VMA12: variants seen among roughly 807,000 people sequenced by gnomAD.
VMA12 encodes vacuolar ATPase assembly protein VMA12.
chr17:28,363,409 G>A, the VMA12 span: 2 of 152,126 alleles, frequency 1.3e-5, no homozygotes, highest in Non-Finnish European at 2.9e-5. Context: ...AGGTATCTGT[G>A]TGGAACCTGG....
At chr17:28,358,971 G>A in the VMA12 span, 1 of 1,612,684 alleles carries the variant, frequency 6.2e-7, no homozygotes, top group Non-Finnish European at 8.5e-7. Flanking sequence ...ATCTCCCAGA[G>A]GTTGTGAAGC....
At chr17:28,359,439 G>A in the VMA12 span, 1 of 1,601,746 alleles carries the variant, frequency 6.2e-7, no homozygotes, top group East Asian at 2.2e-5. Flanking sequence ...GGTCTAGGTA[G>A]CCCCTCAGAG....
At chr17:28,361,106 A>C in the VMA12 span, 2 of 1,567,814 alleles carry the variant, frequency 1.3e-6, no homozygotes, top group Non-Finnish European at 1.8e-6. Flanking sequence ...GCTGGGGTAC[A>C]GAGCTGGTTG....
chr17:28,357,774 A>AGGCCGCTC, the VMA12 span: 1 of 1,613,550 alleles, frequency 6.2e-7, no homozygotes, highest in Admixed American at 1.7e-5. Context: ...GCCGAGCTTG[A>AGGCCGCTC]GGCCGCGCTG....
chr17:28,357,960 C>G, the VMA12 span: 1 of 1,470,840 alleles, frequency 6.8e-7, no homozygotes, highest in East Asian at 2.3e-5. Context: ...CCATCATTCC[C>G]CTTCTTCTAC....
chr17:28,358,536 A>C, the VMA12 span: 1 of 477,162 alleles, frequency 2.1e-6, no homozygotes, highest in Non-Finnish European at 4.3e-6. Flanking sequence ...TATTAGAACT[A>C]GAAAGGACCT....
the VMA12 span, chr17:28,361,191 T>G: frequency 8.1e-6 from 13 of 1,614,120 alleles, no homozygotes; most frequent in South Asian, 1.1e-5. Context: ...GCCTCTGTGG[T>G]GGGTCTGGCC....
chr17:28,357,809 A>C, the VMA12 span: 1 of 1,614,068 alleles, frequency 6.2e-7, no homozygotes, highest in Non-Finnish European at 8.5e-7. Flanking sequence ...GGGCGGTGAT[A>C]GCTCCAGTGG....
the VMA12 span, chr17:28,359,563 A>AT: frequency 3.4e-6 from 2 of 591,164 alleles, no homozygotes; most frequent in Non-Finnish European, 5.7e-6. Context: ...TTCCCATCTC[A>AT]TTCACTGAGA....
At chr17:28,359,484 G>GA in the VMA12 span, 2 of 1,376,194 alleles carry the variant, frequency 1.5e-6, no homozygotes, top group South Asian at 2.4e-5. Context: ...ACAGAGTTTA[G>GA]AAAAAACATG....
the VMA12 span, chr17:28,360,884 G>GGGGGTGTTAGTGGGTAA: frequency 1.3e-6 from 2 of 1,567,504 alleles, no homozygotes; most frequent in Non-Finnish European, 1.8e-6. Context: ...TGCCCCTGGT[G>GGGGGTGTTAGTGGGTAA]GGGGTGTTAG....
chr17:28,363,329 AG>A, the VMA12 span: 1 of 152,174 alleles, frequency 6.6e-6, no homozygotes, highest in African/African-American at 2.4e-5. Context: ...CTTGTCAGTC[AG>A]AGTCCTAAAC....
chr17:28,359,184 C>A, the VMA12 span: 2 of 1,031,702 alleles, frequency 1.9e-6, no homozygotes, highest in Non-Finnish European at 2.8e-6. Flanking sequence ...AGTTTCAAAG[C>A]ACTGGAGTTA....
the VMA12 span, chr17:28,357,829 C>T: frequency 6.2e-7 from 1 of 1,614,102 alleles, no homozygotes. Flanking sequence ...GCCCCCAACG[C>T]TTGGTTTCTT....
At chr17:28,361,116 G>T in the VMA12 span, 1 of 1,590,348 alleles carries the variant, frequency 6.3e-7, no homozygotes, top group Non-Finnish European at 8.6e-7. Flanking sequence ...AGAGCTGGTT[G>T]TTGGCCTGCA....
the VMA12 span, chr17:28,358,118 C>G: frequency 1.8e-6 from 1 of 564,284 alleles, no homozygotes; most frequent in East Asian, 3.0e-5. Context: ...TCCAGGCACA[C>G]CTAGGCCCAA....
At chr17:28,360,532 A>C in the VMA12 span, 3 of 1,613,994 alleles carry the variant, frequency 1.9e-6, no homozygotes, top group Non-Finnish European at 2.5e-6. Flanking sequence ...TTCCCAGGAT[A>C]CAAGACATGG....
At chr17:28,360,370 C>T in the VMA12 span, 1 of 657,804 alleles carries the variant, frequency 1.5e-6, no homozygotes, top group Non-Finnish European at 2.6e-6. Flanking sequence ...GAAATGCCTG[C>T]TCTGTAGTCC....
chr17:28,357,788 A>C, the VMA12 span: 1 of 1,613,936 alleles, frequency 6.2e-7, no homozygotes, highest in Non-Finnish European at 8.5e-7. Context: ...CGCGCTGGGG[A>C]AGAAGCACAA....
Sources: allele counts gnomAD v4.1 joint callset, GRCh38; gene constraint gnomAD v4.1.1; transcripts MANE v1.5; gene names NCBI Gene and HGNC (gene_info 2026-07-23, HGNC 2026-07-21).